ZAN: variants seen among roughly 807,000 people sequenced by gnomAD.
ZAN encodes the protein zonadhesin (gene/pseudogene).
A neutral mutation model predicts 286.2 loss-of-function variants in ZAN; 260 were observed. The observed-to-expected ratio is 0.91, with a 90% CI of 0.82 to 1.01. The LOEUF (loss-of-function observed/expected upper bound fraction) is 1.01. Ranked by LOEUF, ZAN falls within the 50% of genes least tolerant of loss-of-function variation. The pLI is 0.00. For missense variants in ZAN, 3,410 were observed against 3,639.2 expected (o/e 0.94, Z 1.62); for synonymous variants, 1,368 against 1,417.5 (o/e 0.97, Z 0.79).
At chr7:100,768,053 G>C (rs751284046) in intron 26 of ZAN, 42 bp downstream of exon 26, 79 of 1,582,614 alleles carry the variant, frequency 5.0e-5, no homozygotes, top group Non-Finnish European at 3.6e-5. Context: ...GGGACAATGA[G>C]TAGGCGTGTG....
At chr7:100,773,049 G>A (rs917144591) in intron 29 of ZAN, among the ~76,000 whole-genome samples, 1 of 151,656 alleles carries the variant, frequency 6.6e-6, no homozygotes, top group Non-Finnish European at 1.5e-5. Context: ...GACTACAGGC[G>A]TGTGCCACCA....
chr7:100,785,451 G>A lies in ZAN; in HGVS notation c.6835-546G>A, dbSNP rs542527107. Among the ~76,000 whole-genome samples, 5 of 151,692 alleles carry A rather than the reference G, an allele frequency of 3.3e-5. No individual in the cohort carries two copies. The South Asian group carries it at 8.4e-4, about 25-fold the overall frequency. The stretch of plus-strand genomic sequence containing the variant: ...TCACCATGTTGGCCAGGCTGGTCTC[G>A]AACTCCTGACCTCAAGTGATCTGCC... On this transcript the variant is annotated intron_variant, in intron 36 of 47. Transcript: ENST00000613979.
chr7:100,775,363 T>G lies in ZAN; in HGVS notation c.5815T>G (p.Tyr1939Asp). ...GTGTCAGCTCCCAGGGGAGTCCCAC[T>G]ACGTGAGCTTTGATGGTAGTAACCA... ...GVCQLPGESH[Y>D]VSFDGSNHSI... The change falls in exon 32 of 48, where the codon TAC becomes GAC. Residue 1939 changes from tyrosine (Y) to aspartate (D), a missense_variant. By Grantham distance (160) the Tyr-to-Asp change is radical (BLOSUM62 -3). Transcript: ENST00000613979. 4.3e-6 allele frequency: 7 copies of G among 1,613,624 alleles called. No homozygotes were observed. Among genetic ancestry groups the G allele is most frequent in the Non-Finnish European group, 5.1e-6 (6 of 1,179,808 alleles).
intron 44 of ZAN, 72 bp from the exon 45 acceptor site, chr7:100,795,124 C>G: frequency 6.6e-7 from 1 of 1,521,406 alleles, no homozygotes; most frequent in Non-Finnish European, 8.8e-7. Flanking sequence ...GTCCCAGCCC[C>G]CAGCCAGGCC....
rs1357052306 is a variant in ZAN at position 100,766,467 on chromosome 7, AAAAAC to A, written c.4471-49_4471-45del. On this transcript the variant is annotated intron_variant, in intron 23 of 47. Transcript: ENST00000613979. ...GTGAGCTCTGGTGTCAGATCTGGGA[AAAAAC>A]AAAACAAAGCAAAAAAAAACACTTT... 365 of 1,505,512 alleles carry A rather than the reference AAAAAC, an allele frequency of 2.4e-4. 6 individuals are homozygous for A. The East Asian group carries it at 8.8e-3, about 36-fold the overall frequency. 93.3% of individuals were successfully genotyped at this position (1,505,512 alleles called of 1,614,324 possible).
chr7:100,744,907 A>T (rs1808080063), intron 7 of ZAN, among the ~76,000 whole-genome samples: 1 of 146,674 alleles, frequency 6.8e-6, no homozygotes, highest in African/African-American at 2.5e-5. Flanking sequence ...GTTTTTTGAG[A>T]CAGTCTCGCT....
Position 100,792,445 on chromosome 7 carries a change from G to A in ZAN, c.7753G>A (p.Glu2585Lys), listed in dbSNP as rs1306646958. ...LDLCSAQDPREQEELRCQVLS... is the reference protein window; with the variant it reads ...LDLCSAQDPRKQEELRCQVLS... ...TCTGTGCTCTGCTCAGGACCCAAGA[G>A]AGCAAGAGGAGCTGCGTTGCCAGGT... The change falls in exon 42 of 48, where the codon GAG (glutamate) becomes AAG (lysine). Residue 2585 changes from glutamate (E) to lysine (K), a missense_variant. Around this residue, in one of 7 missense-constraint regions of ZAN, gnomAD observed 1,289 missense variants for 1,314.3 expected, o/e 0.98. Transcript: ENST00000613979. The A allele has an allele frequency of 1.2e-6, 2 of 1,613,848 alleles. No homozygotes were observed. Among genetic ancestry groups the A allele is most frequent in the South Asian group, 2.2e-5 (2 of 91,070 alleles).
At position 100,791,957 on chromosome 7, in the gene ZAN, C is replaced by A; in HGVS notation, c.7530-9C>A. ...GCCTCACCTGACCCCGTGGCTGTCT[C>A]TACTGCAGGGCTATACCAGCGGAGG... On this transcript the variant is annotated splice_polypyrimidine_tract_variant and intron_variant, in intron 40 of 47. Transcript: ENST00000613979. The A allele has an allele frequency of 6.2e-7, 1 of 1,608,064 alleles. No homozygotes were observed. Among genetic ancestry groups the A allele is most frequent in the South Asian group, 1.1e-5 (1 of 90,256 alleles).
chr7:100,785,079 A>T (rs1180176041), intron 36 of ZAN, among the ~76,000 whole-genome samples: 1 of 152,154 alleles, frequency 6.6e-6, no homozygotes, highest in Non-Finnish European at 1.5e-5. Context: ...CCATGGGCTC[A>T]TTTCAGCCTA....
chr7:100,751,772 C>T lies in ZAN; in HGVS notation c.1667C>T (p.Thr556Ile), dbSNP rs1284146218. The T allele has an allele frequency of 2.5e-6, 4 of 1,610,244 alleles. No individual in the cohort carries two copies. The highest frequency in any genetic ancestry group is 3.4e-6 in the Non-Finnish European group (4 of 1,179,078). The change falls in exon 14 of 48, where the codon ACC (threonine) becomes ATC (isoleucine). Residue 556 changes from threonine (T) to isoleucine (I), a missense_variant. Thr to Ile is a moderately conservative substitution (Grantham distance 89, BLOSUM62 -1). Coordinates refer to ENST00000613979, the MANE Select transcript of ZAN (RefSeq NM_003386.3). ...GTTTCTTCCACTGGCCCTTCTGAAA[C>T]CACTGGCCTCACAGAAAACCCTACA... Reference protein sequence around the residue: ...SPVSSTGPSETTGLTENPTIS... With the variant: ...SPVSSTGPSEITGLTENPTIS...
intron 6 of ZAN, among the ~76,000 whole-genome samples, chr7:100,737,882 G>A (rs1021028246): frequency 7.1e-6 from 1 of 140,744 alleles, no homozygotes; most frequent in Non-Finnish European, 1.6e-5. Flanking sequence ...TGGGAGGATG[G>A]TGTGAGGCCA....
At chr7:100,745,959 C>T (rs1016251639) in intron 7 of ZAN, among the ~76,000 whole-genome samples, 9 of 151,680 alleles carry the variant, frequency 5.9e-5, no homozygotes, top group Non-Finnish European at 1.3e-4. Flanking sequence ...TGTGATGGCT[C>T]ATGTCTGTAA....
chr7:100,766,414 TA>T, intron 23 of ZAN, 110 bp from the exon 24 acceptor site: 1 of 1,334,224 alleles, frequency 7.5e-7, no homozygotes, highest in Non-Finnish European at 9.9e-7. Context: ...GTCTCCCCAC[TA>T]TTAAGCCAGT....
At position 100,768,730 on chromosome 7, in the gene ZAN, G is replaced by A. The variant is rs1339177572; in HGVS notation, c.5153+9G>A. 6.3e-7 allele frequency: 1 copy of A among 1,582,998 alleles called. No homozygotes were observed. Among genetic ancestry groups the A allele is most frequent in the Non-Finnish European group, 8.6e-7 (1 of 1,164,308 alleles). The stretch of plus-strand genomic sequence containing the variant: ...GAATCCTCTGAACCTGGGTGAGCTG[G>A]GGGTCAGGGGAGCCAGGCAGGAGGG... On this transcript the variant is annotated intron_variant, in intron 27 of 47. Transcript: ENST00000613979.
chr7:100,738,963 C>T (rs186723151), intron 7 of ZAN, among the ~76,000 whole-genome samples: 3 of 21,710 alleles, frequency 1.4e-4, no homozygotes, highest in Admixed American at 6.0e-4. Context: ...CTCCCTCTCC[C>T]TCTCCCTCTC....
intron 45 of ZAN, among the ~76,000 whole-genome samples, chr7:100,796,972 C>CA (rs938031810): frequency 2.0e-5 from 3 of 152,048 alleles, no homozygotes; most frequent in Admixed American, 6.6e-5. Flanking sequence ...CCCATCTCTA[C>CA]AAAAAATCAC....
intron 22 of ZAN, 110 bp downstream of exon 22, chr7:100,764,306 C>T (rs1222934508): frequency 3.0e-6 from 4 of 1,323,630 alleles, no homozygotes; most frequent in Non-Finnish European, 3.0e-6. Context: ...AGTTTGGGAC[C>T]AGCCTGGCCA....
intron 19 of ZAN, among the ~76,000 whole-genome samples, chr7:100,761,342 A>G (rs1197751961): frequency 1.3e-5 from 2 of 152,178 alleles, no homozygotes; most frequent in African/African-American, 2.4e-5. Context: ...TATCTCCACA[A>G]AAAAATTTAA....
chr7:100,751,032 G>T, intron 12 of ZAN, 136 bp downstream of exon 12: 9 of 1,414,022 alleles, frequency 6.4e-6, no homozygotes, highest in Non-Finnish European at 8.5e-6. Context: ...GTTACAGAAA[G>T]TGAGAAAGGG....
Sources: gnomAD v4.1 joint callset for allele counts (sites outside exome capture counted in the v4.1 genomes callset) on GRCh38, gnomAD v4.1.1 for gene constraint, gnomAD v4.1.1 regional missense constraint, MANE v1.5 for transcripts, NCBI Gene and HGNC (gene_info 2026-07-23, HGNC 2026-07-21) for gene names.